Variants in PTPRD observed in about 807,000 individuals in gnomAD.
The protein encoded by PTPRD is protein tyrosine phosphatase receptor type D.
Under a neutral mutation model 214.5 loss-of-function variants are expected in PTPRD, and 34 were observed. The observed-to-expected ratio is 0.16, with a 90% CI of 0.12 to 0.21. The LOEUF (loss-of-function observed/expected upper bound fraction) is 0.21, where lower values mean the gene tolerates loss of function less well. Ranked by LOEUF, PTPRD falls within the 10% of genes least tolerant of loss-of-function variation. The pLI, the probability that PTPRD is intolerant of heterozygous loss-of-function variation, is 1.00. For synonymous variants in PTPRD, 1,128 were observed against 845.7 expected (o/e 1.33, Z -5.79); for missense variants, 2,545 against 2,398.7 (o/e 1.06, Z -1.27).
chr9:10,205,248 A>G (rs1276969769), intron 3 of PTPRD, among the ~76,000 whole-genome samples: 2 of 152,036 alleles, frequency 1.3e-5, no homozygotes, highest in African/African-American at 4.8e-5. Flanking sequence ...AACTGCAAAA[A>G]ATACAACAAA....
chr9:9,986,750 G>C (rs148064143), intron 4 of PTPRD, among the ~76,000 whole-genome samples: 1,588 of 152,170 alleles, frequency 0.01, 14 homozygotes, highest in Non-Finnish European at 0.018. Flanking sequence ...ATTCACTTTT[G>C]TGATTGAAAT....
At chr9:9,521,103 A>G (rs1253931683) in intron 8 of PTPRD, among the ~76,000 whole-genome samples, 1 of 152,180 alleles carries the variant, frequency 6.6e-6, no homozygotes, top group Non-Finnish European at 1.5e-5. Context: ...GAACCTCTCC[A>G]TAACTATTTA....
In PTPRD at chr9:10,566,986, C is replaced by G. The variant is rs1363855008; in HGVS notation, c.-600+45412G>C. 1.3e-5 allele frequency among the ~76,000 whole-genome samples: 2 copies of G among 152,030 alleles called. 1 individual carries two copies. Among genetic ancestry groups the G allele is most frequent in the Non-Finnish European group, 2.9e-5 (2 of 67,938 alleles). ...ATTCTGTTAAAATGTTTTATTTACT[C>G]TATAAATACTTCTGTGAAACTCCCT... On this transcript the variant is annotated intron_variant, in intron 2 of 45. Transcript: ENST00000381196.
intron 9 of PTPRD, among the ~76,000 whole-genome samples, chr9:9,203,044 T>G (rs1349432546): frequency 3.3e-5 from 5 of 152,116 alleles, no homozygotes; most frequent in Non-Finnish European, 5.9e-5. Context: ...GCTGCCTATT[T>G]GCCATGTCAA....
intron 8 of PTPRD, among the ~76,000 whole-genome samples, chr9:9,443,948 T>C (rs374910360): frequency 2.2e-4 from 33 of 152,342 alleles, no homozygotes; most frequent in East Asian, 7.7e-4. Flanking sequence ...ATAGGGACTT[T>C]TTTGTCTACT....
At chr9:8,665,316 C>T (rs942868756) in intron 12 of PTPRD, among the ~76,000 whole-genome samples, 2 of 152,314 alleles carry the variant, frequency 1.3e-5, no homozygotes, top group Non-Finnish European at 1.5e-5. Flanking sequence ...CAGCCCTTCC[C>T]CTCTGTAGAC....
At chr9:10,086,545 AAAC>A (rs1337414220) in intron 3 of PTPRD, among the ~76,000 whole-genome samples, 33 of 151,910 alleles carry the variant, frequency 2.2e-4, no homozygotes, top group African/African-American at 7.7e-4. Context: ...TAGCTGTTAT[AAAC>A]TTGGACAAAT....
At chr9:9,794,208 T>C (rs1317024596) in intron 5 of PTPRD, among the ~76,000 whole-genome samples, 1 of 151,202 alleles carries the variant, frequency 6.6e-6, no homozygotes, top group Admixed American at 6.6e-5. Flanking sequence ...TGTGTATATA[T>C]ATATATATAC....
chr9:9,467,335 C>T (rs993326516), intron 8 of PTPRD, among the ~76,000 whole-genome samples: 16 of 148,318 alleles, frequency 1.1e-4, no homozygotes, highest in Non-Finnish European at 2.2e-4. Context: ...CACCTGTAAT[C>T]CCAGACCTTT....
intron 2 of PTPRD, among the ~76,000 whole-genome samples, chr9:10,542,364 A>C (rs940197054): frequency 6.6e-6 from 1 of 152,192 alleles, no homozygotes; most frequent in Non-Finnish European, 1.5e-5. Flanking sequence ...GTAAGGATTT[A>C]AAGAAAAGTA....
At chr9:9,613,357 T>C (rs1426216241) in intron 7 of PTPRD, among the ~76,000 whole-genome samples, 1 of 152,022 alleles carries the variant, frequency 6.6e-6, no homozygotes, top group Non-Finnish European at 1.5e-5. Flanking sequence ...CATTCAGCTA[T>C]CTTGAGAAAG....
intron 4 of PTPRD, among the ~76,000 whole-genome samples, chr9:9,986,114 T>C (rs1044927549): frequency 6.6e-6 from 1 of 152,148 alleles, no homozygotes; most frequent in African/African-American, 2.4e-5. Flanking sequence ...GAATGATTAT[T>C]AACTGTTAGC....
chr9:9,678,719 T>A (rs1265266298), intron 7 of PTPRD, among the ~76,000 whole-genome samples: 1 of 151,514 alleles, frequency 6.6e-6, no homozygotes, highest in Non-Finnish European at 1.5e-5. Flanking sequence ...TAAAAAAAAA[T>A]AGCTCTCAGC....
At chr9:9,990,496 C>G (rs1309281507) in intron 4 of PTPRD, among the ~76,000 whole-genome samples, 1 of 152,168 alleles carries the variant, frequency 6.6e-6, no homozygotes, top group Non-Finnish European at 1.5e-5. Flanking sequence ...CTGGGTGTGC[C>G]CATTCCAGGC....
intron 12 of PTPRD, among the ~76,000 whole-genome samples, chr9:8,644,230 G>A (rs1182415355): frequency 6.6e-6 from 1 of 151,544 alleles, no homozygotes; most frequent in Non-Finnish European, 1.5e-5. Context: ...CTGCTGGGAG[G>A]TGAACACTCC....
chr9:9,712,276 A>G (rs2154425366), intron 7 of PTPRD, among the ~76,000 whole-genome samples: 1 of 152,350 alleles, frequency 6.6e-6, no homozygotes, highest in South Asian at 2.1e-4. Flanking sequence ...GAATTCGGTA[A>G]TAACCATAAG....
chr9:10,181,794 C>T, intron 3 of PTPRD, among the ~76,000 whole-genome samples: 1 of 150,208 alleles, frequency 6.7e-6, no homozygotes, highest in Non-Finnish European at 1.5e-5. Flanking sequence ...TGACCTCATG[C>T]CATATATGAA....
chr9:8,320,955 T>G (rs1052450947), intron 44 of PTPRD, among the ~76,000 whole-genome samples: 2 of 151,970 alleles, frequency 1.3e-5, no homozygotes, highest in Non-Finnish European at 2.9e-5. Flanking sequence ...CTGTAGAAAA[T>G]AGATGGATTC....
At chr9:10,456,952 G>A (rs1196455669) in intron 2 of PTPRD, among the ~76,000 whole-genome samples, 1 of 151,758 alleles carries the variant, frequency 6.6e-6, no homozygotes, top group Non-Finnish European at 1.5e-5. Context: ...TCTTTAAATT[G>A]ACTTTATATG....
Sources: gnomAD v4.1 joint callset for allele counts (sites outside exome capture counted in the v4.1 genomes callset) on GRCh38, gnomAD v4.1.1 for gene constraint, MANE v1.5 for transcripts, NCBI Gene and HGNC (gene_info 2026-07-23, HGNC 2026-07-21) for gene names.